RTN1: variants seen among roughly 807,000 people sequenced by gnomAD.
The protein encoded by RTN1 is reticulon 1, also known as reticulon-1.
A neutral mutation model predicts 65.5 loss-of-function variants in RTN1; 25 were observed. The observed-to-expected ratio is 0.38, with a 90% CI of 0.28 to 0.53. The LOEUF (loss-of-function observed/expected upper bound fraction) is 0.53. RTN1 is among the 20% of genes least tolerant of loss of function. RTN1 has a pLI of 0.79. For missense variants in RTN1, 983 were observed against 1,025.4 expected (o/e 0.96, Z 0.57); for synonymous variants, 471 against 447.6 (o/e 1.05, Z -0.66).
Position 59,616,599 on chromosome 14 carries a change from CATT to C in RTN1, c.1766-9110_1766-9108del, listed in dbSNP as rs1566662114. On this transcript the variant is annotated intron_variant, in intron 3 of 8. Coordinates refer to ENST00000267484, the MANE Select transcript of RTN1 (RefSeq NM_021136.3). The stretch of plus-strand genomic sequence containing the variant: ...TATAATGTTGATACAATTTAGTGTA[CATT>C]ATTAATAATTATAATTGTTATGTAA... 1.3e-5 allele frequency among the ~76,000 whole-genome samples: 2 copies of C among 152,240 alleles called. 1 individual carries two copies. The highest frequency in any genetic ancestry group is 3.9e-4 in the East Asian group (2 of 5,184).
chr14:59,783,168 A>G (rs1055752949), intron 1 of RTN1, among the ~76,000 whole-genome samples: 5 of 152,136 alleles, frequency 3.3e-5, no homozygotes, highest in African/African-American at 1.2e-4. Context: ...GTTGATCCCT[A>G]TGTTGTGCTA....
At chr14:59,773,631 C>G (rs1029875946) in intron 1 of RTN1, among the ~76,000 whole-genome samples, 1 of 152,122 alleles carries the variant, frequency 6.6e-6, no homozygotes, top group Non-Finnish European at 1.5e-5. Context: ...CTCCTAAAGA[C>G]AGTTTCCCCA....
At chr14:59,852,738 G>A (rs1231735107) in intron 1 of RTN1, among the ~76,000 whole-genome samples, 3 of 152,146 alleles carry the variant, frequency 2.0e-5, no homozygotes, top group Admixed American at 6.5e-5. Context: ...AGCCAATCTG[G>A]AAAGAGTATG....
chr14:59,726,824 A>G, intron 3 of RTN1, 95 bp downstream of exon 3: 1 of 1,022,072 alleles, frequency 9.8e-7, no homozygotes, highest in East Asian at 2.6e-5. Flanking sequence ...CAGCATGGGG[A>G]TGACTCCAGG....
At chr14:59,783,251 G>A (rs535998472) in intron 1 of RTN1, among the ~76,000 whole-genome samples, 2 of 152,248 alleles carry the variant, frequency 1.3e-5, no homozygotes, top group Admixed American at 1.3e-4. Flanking sequence ...CACTGTATGT[G>A]CAATAAAATG....
chr14:59,769,117 T>C (rs1594734559), intron 1 of RTN1, among the ~76,000 whole-genome samples: 1 of 152,142 alleles, frequency 6.6e-6, no homozygotes, highest in Admixed American at 6.5e-5. Flanking sequence ...TCTTAATCAT[T>C]ATGTTATACT....
chr14:59,701,798 T>C (rs1366941290), intron 3 of RTN1, among the ~76,000 whole-genome samples: 2 of 152,202 alleles, frequency 1.3e-5, no homozygotes, highest in African/African-American at 4.8e-5. Flanking sequence ...TACTGAATTG[T>C]ACACTTTAAA....
At chr14:59,765,181 AAGAGGTTCAAGC>A (rs1330856997) in intron 1 of RTN1, among the ~76,000 whole-genome samples, 3 of 152,184 alleles carry the variant, frequency 2.0e-5, no homozygotes, top group African/African-American at 7.2e-5. Context: ...CTAAGATAAA[AAGAGGTTCAAGC>A]AGATACTCTG....
intron 1 of RTN1, among the ~76,000 whole-genome samples, chr14:59,762,855 T>C (rs573618817): frequency 2.0e-5 from 3 of 152,350 alleles, no homozygotes; most frequent in Admixed American, 2.0e-4. Context: ...TATTTTGAAA[T>C]GTAATTAACA....
intron 1 of RTN1, among the ~76,000 whole-genome samples, chr14:59,855,046 G>A (rs1395941127): frequency 7.2e-5 from 11 of 152,156 alleles, no homozygotes; most frequent in Non-Finnish European, 1.6e-4. Flanking sequence ...TATTTTCCCT[G>A]AAGCCCCCAT....
At chr14:59,749,835 A>T (rs1366772229) in intron 1 of RTN1, among the ~76,000 whole-genome samples, 1 of 113,576 alleles carries the variant, frequency 8.8e-6, no homozygotes, top group Non-Finnish European at 1.7e-5. Context: ...ATATATCTAT[A>T]TGTATATTTA....
At chr14:59,667,419 C>T (rs1419228911) in intron 3 of RTN1, among the ~76,000 whole-genome samples, 1 of 152,128 alleles carries the variant, frequency 6.6e-6, no homozygotes, top group Non-Finnish European at 1.5e-5. Context: ...GCCTTTCATG[C>T]TAAAAACTCT....
chr14:59,744,103 T>C (rs1044996324), intron 2 of RTN1, among the ~76,000 whole-genome samples: 3 of 152,162 alleles, frequency 2.0e-5, no homozygotes, highest in Non-Finnish European at 4.4e-5. Flanking sequence ...CTAAAATCTA[T>C]AGGGAAAGAA....
chr14:59,837,138 T>A (rs1355300318), intron 1 of RTN1, among the ~76,000 whole-genome samples: 2 of 151,956 alleles, frequency 1.3e-5, no homozygotes, highest in Non-Finnish European at 2.9e-5. Context: ...AACAGATCAA[T>A]GTAACAGAGT....
chr14:59,784,207 G>A lies in RTN1; in HGVS notation c.242-37726C>T, dbSNP rs2139578952. Among the ~76,000 whole-genome samples, 3 of 152,314 alleles carry A rather than the reference G, an allele frequency of 2.0e-5. No individual in the cohort carries two copies. In the South Asian group the frequency reaches 6.2e-4, roughly 32 times the overall value. On this transcript the variant is annotated intron_variant, in intron 1 of 8. Coordinates refer to ENST00000267484, the MANE Select transcript of RTN1 (RefSeq NM_021136.3). Reference sequence around the variant, plus strand: ...TAATCCCAGCACTTTGGGAGGCCAAGGCAGGCGGATCACCTGAGGTTGGGA... The same window carrying A: ...TAATCCCAGCACTTTGGGAGGCCAAAGCAGGCGGATCACCTGAGGTTGGGA...
At chr14:59,771,898 T>G (rs938690186) in intron 1 of RTN1, among the ~76,000 whole-genome samples, 2 of 152,254 alleles carry the variant, frequency 1.3e-5, no homozygotes, top group East Asian at 1.9e-4. Flanking sequence ...ATTAGACAAT[T>G]AGATACGCAG....
intron 3 of RTN1, among the ~76,000 whole-genome samples, chr14:59,696,423 TA>T (rs1884063915): frequency 6.6e-6 from 1 of 152,176 alleles, no homozygotes; most frequent in African/African-American, 2.4e-5. Context: ...GAAGTACTTT[TA>T]TATTCTCAGG....
At chr14:59,662,413 T>G (rs1883271212) in intron 3 of RTN1, among the ~76,000 whole-genome samples, 1 of 151,392 alleles carries the variant, frequency 6.6e-6, no homozygotes, top group Non-Finnish European at 1.5e-5. Flanking sequence ...ATGCGGTGTT[T>G]GTTTTTTTGT....
chr14:59,760,460 T>A (rs1295709136), intron 1 of RTN1, among the ~76,000 whole-genome samples: 1 of 152,220 alleles, frequency 6.6e-6, no homozygotes, highest in Non-Finnish European at 1.5e-5. Context: ...TTAAAAATTA[T>A]TTTCCTTTTT....
Sources: allele counts gnomAD v4.1 joint callset (sites outside exome capture counted in the v4.1 genomes callset), GRCh38; gene constraint gnomAD v4.1.1; transcripts MANE v1.5; gene names NCBI Gene and HGNC (gene_info 2026-07-23, HGNC 2026-07-21).